Variants in KIAA0319 observed in about 807,000 individuals in gnomAD.
The protein encoded by KIAA0319 is dyslexia-associated protein KIAA0319.
In KIAA0319, 83 loss-of-function variants were observed where a neutral mutation model predicts 108.4. The observed-to-expected ratio is 0.77, with a 90% CI of 0.64 to 0.92. KIAA0319 has a LOEUF of 0.92. KIAA0319 is among the 40% of genes least tolerant of loss of function. KIAA0319 has a pLI of 0.00. For missense variants in KIAA0319, 1,195 were observed against 1,322.4 expected, an observed-to-expected ratio of 0.90 and a Z score of 1.49; for synonymous variants, 484 against 510.4, an observed-to-expected ratio of 0.95 and a Z score of 0.70.
At chr6:24,643,352 C>T (rs1169570011) in intron 1 of KIAA0319, among the ~76,000 whole-genome samples, 41 of 152,056 alleles carry the variant, frequency 2.7e-4, no homozygotes, top group Non-Finnish European at 1.5e-5. Flanking sequence ...GTAATGGGTA[C>T]ACTAAAAGCC....
intron 20 of KIAA0319, 112 bp from the exon 21 acceptor site, chr6:24,547,455 T>C: frequency 1.1e-6 from 1 of 873,576 alleles, no homozygotes; most frequent in South Asian, 1.7e-5. Context: ...CTCCGCCCCT[T>C]GAAAGCAATC....
chr6:24,553,327 ACACACACACG>A (rs1462497590), intron 19 of KIAA0319, among the ~76,000 whole-genome samples: 3 of 112,646 alleles, frequency 2.7e-5, no homozygotes, highest in African/African-American at 8.0e-5. Flanking sequence ...ACACACACAC[ACACACACACG>A]CACATATATA....
Position 24,546,929 on chromosome 6 carries a change from T to A in KIAA0319, c.*236A>T, listed in dbSNP as rs922015356. On this transcript the variant is annotated 3_prime_UTR_variant, in exon 21 of 21. Coordinates refer to ENST00000378214, the MANE Select transcript of KIAA0319 (RefSeq NM_014809.4). ...TACAAAAACTCAAAACTCTTTTAAGTATATACCTTAGAGTTTTACCCAGCC... is the reference window on the plus strand; with the variant it reads ...TACAAAAACTCAAAACTCTTTTAAGAATATACCTTAGAGTTTTACCCAGCC... The A allele has an allele frequency of 8.5e-5, 38 of 448,376 alleles. No homozygotes were observed. The highest frequency in any genetic ancestry group is 7.4e-4 in the African/African-American group (38 of 51,270). The allele number at this position is 448,376 out of a possible 1,614,324, so 27.8% of individuals were successfully genotyped here.
intron 4 of KIAA0319, among the ~76,000 whole-genome samples, chr6:24,584,962 T>C (rs1269527644): frequency 6.6e-6 from 1 of 152,192 alleles, no homozygotes; most frequent in African/African-American, 2.4e-5. Flanking sequence ...CCCACTATTA[T>C]CTTTCTCTCT....
chr6:24,596,580 A>C lies in KIAA0319; in HGVS notation c.94T>G (p.Ser32Ala). 6.2e-7 allele frequency: 1 copy of C among 1,613,338 alleles called. No homozygotes were observed. Among genetic ancestry groups the C allele is most frequent in the Non-Finnish European group, 8.5e-7 (1 of 1,179,634 alleles). ...AAGTTAGGTGAAATGACTGCATTGGAATATGTCCTCCCCTCGCTGCACTGC... is the reference window on the plus strand; with the variant it reads ...AAGTTAGGTGAAATGACTGCATTGGCATATGTCCTCCCCTCGCTGCACTGC... The part of the protein sequence containing the change: ...RKQCSEGRTY[S>A]NAVISPNLET... Residue 32 changes from serine to alanine, a missense_variant, in exon 3 of 21, where the codon TCC becomes GCC. Coordinates refer to ENST00000378214, the MANE Select transcript of KIAA0319 (RefSeq NM_014809.4).
chr6:24,582,205 C>T (rs576564181), intron 6 of KIAA0319, 44 bp downstream of exon 6: 27 of 1,081,120 alleles, frequency 2.5e-5, no homozygotes, highest in Admixed American at 5.1e-5. Context: ...AGCTCTATGC[C>T]GTTACGCTGT....
intron 1 of KIAA0319, among the ~76,000 whole-genome samples, chr6:24,636,691 A>G (rs987024575): frequency 6.6e-6 from 1 of 152,252 alleles, no homozygotes; most frequent in Non-Finnish European, 1.5e-5. Context: ...AAAATGGATG[A>G]GATGATATTG....
chr6:24,569,448 CA>C (rs774226657), intron 12 of KIAA0319, among the ~76,000 whole-genome samples: 1 of 152,196 alleles, frequency 6.6e-6, no homozygotes, highest in Non-Finnish European at 1.5e-5. Context: ...CTACAAGCCT[CA>C]GTTTCTTCAA....
chr6:24,549,818 A>G (rs1261691291), intron 20 of KIAA0319, among the ~76,000 whole-genome samples: 1 of 152,162 alleles, frequency 6.6e-6, no homozygotes, highest in Admixed American at 6.5e-5. Context: ...TGGGGTGGTG[A>G]TGGTAATGAC....
At chr6:24,583,276 T>C in intron 5 of KIAA0319, 18 of 1,005,454 alleles carry the variant, frequency 1.8e-5, no homozygotes, top group Non-Finnish European at 2.1e-5. Flanking sequence ...CCCGGTGGAA[T>C]CTTCCCAGGT....
intron 1 of KIAA0319, among the ~76,000 whole-genome samples, chr6:24,627,873 A>T (rs535116801): frequency 5.3e-5 from 8 of 152,360 alleles, no homozygotes; most frequent in African/African-American, 1.9e-4. Flanking sequence ...ATTTATAGTC[A>T]CTATTCAAAA....
intron 1 of KIAA0319, among the ~76,000 whole-genome samples, chr6:24,636,700 T>C (rs1776245131): frequency 6.6e-6 from 1 of 152,226 alleles, no homozygotes; most frequent in Admixed American, 6.5e-5. Flanking sequence ...GAGATGATAT[T>C]GAAGAAGCAG....
intron 11 of KIAA0319, 32 bp from the exon 12 acceptor site, chr6:24,570,067 T>C: frequency 6.2e-7 from 1 of 1,606,502 alleles, no homozygotes; most frequent in Non-Finnish European, 8.5e-7. Context: ...GAAAAAGTAT[T>C]ATCTCTTTGC....
At chr6:24,633,426 T>C (rs1292987970) in intron 1 of KIAA0319, among the ~76,000 whole-genome samples, 1 of 152,162 alleles carries the variant, frequency 6.6e-6, no homozygotes, top group Non-Finnish European at 1.5e-5. Context: ...GGACAATACA[T>C]ATTAAAGATA....
At chr6:24,635,185 A>AACCTCCACCTCCTGGGTTC (rs1177825822) in intron 1 of KIAA0319, among the ~76,000 whole-genome samples, 4 of 150,944 alleles carry the variant, frequency 2.6e-5, no homozygotes, top group African/African-American at 9.8e-5. Context: ...AGCTCACTGC[A>AACCTCCACCTCCTGGGTTC]ACCTCCACCT....
chr6:24,579,459 T>C (rs988833302), intron 8 of KIAA0319, among the ~76,000 whole-genome samples: 11 of 146,074 alleles, frequency 7.5e-5, no homozygotes, highest in African/African-American at 2.8e-4. Flanking sequence ...ATATCTTATA[T>C]ATCTCATATA....
intron 1 of KIAA0319, among the ~76,000 whole-genome samples, chr6:24,608,930 CAAAAAAAAAAAAAAAAA>C (rs57120652): frequency 3.3e-5 from 1 of 30,110 alleles, no homozygotes; most frequent in South Asian, 2.7e-3. Flanking sequence ...GACTCCGTCT[CAAAAAAAAAAAAAAAAA>C]AAAAAAAAAA....
intron 11 of KIAA0319, 28 bp from the exon 12 acceptor site, chr6:24,570,063 G>C (rs1270404579): frequency 2.5e-6 from 4 of 1,608,498 alleles, no homozygotes; most frequent in African/African-American, 1.3e-5. Context: ...GTGTGAAAAA[G>C]TATTATCTCT....
chr6:24,579,981 C>T (rs1286969476), intron 7 of KIAA0319, 31 bp from the exon 8 acceptor site: 3 of 1,518,144 alleles, frequency 2.0e-6, no homozygotes, highest in Admixed American at 3.8e-5. Flanking sequence ...GTGACTGAGC[C>T]CATCTTGTGT....
Sources: gnomAD v4.1 joint callset for allele counts (sites outside exome capture counted in the v4.1 genomes callset) on GRCh38, gnomAD v4.1.1 for gene constraint, MANE v1.5 for transcripts, NCBI Gene and HGNC (gene_info 2026-07-23, HGNC 2026-07-21) for gene names.